ZNF385D: variants seen among roughly 807,000 people sequenced by gnomAD.
ZNF385D encodes zinc finger protein 659.
Under a neutral mutation model 35.8 loss-of-function variants are expected in ZNF385D, and 15 were observed. That is an observed-to-expected ratio of 0.42 (90% CI 0.28 to 0.64). ZNF385D has a LOEUF of 0.64. Ranked by LOEUF, ZNF385D falls within the 30% of genes least tolerant of loss-of-function variation. ZNF385D has a pLI of 0.23. For missense variants in ZNF385D, 474 were observed against 494.6 expected (o/e 0.96, Z 0.39); for synonymous variants, 212 against 186.8 (o/e 1.13, Z -1.10).
intron 1 of ZNF385D, among the ~76,000 whole-genome samples, chr3:21,708,589 T>C (rs2067990066): frequency 6.6e-6 from 1 of 152,192 alleles, no homozygotes; most frequent in Non-Finnish European, 1.5e-5. Flanking sequence ...TCTATTACAT[T>C]ACTAAATTTT....
intron 3 of ZNF385D, among the ~76,000 whole-genome samples, chr3:21,984,179 AT>A (rs200711862): frequency 0.1 from 14,621 of 141,880 alleles, 2,569 homozygotes; most frequent in African/African-American, 0.32. Context: ...ATTAGATCCC[AT>A]TTGTCAATTT....
chr3:21,812,055 A>G (rs1469776752), intron 3 of ZNF385D, among the ~76,000 whole-genome samples: 3 of 152,254 alleles, frequency 2.0e-5, no homozygotes, highest in East Asian at 1.9e-4. Context: ...ATATCAGTTT[A>G]TAGAAAACAC....
intron 2 of ZNF385D, among the ~76,000 whole-genome samples, chr3:21,567,764 C>CAAAG (rs1355955639): frequency 3.9e-5 from 6 of 152,018 alleles, no homozygotes; most frequent in Non-Finnish European, 8.8e-5. Context: ...GTATGTATAT[C>CAAAG]AAAGAAAGAT....
intron 3 of ZNF385D, among the ~76,000 whole-genome samples, chr3:21,977,903 T>C (rs9815743): frequency 0.42 from 64,131 of 151,760 alleles, 13,936 homozygotes; most frequent in Non-Finnish European, 0.47. Context: ...GAGAAACGAG[T>C]AGAATGCAGG....
intron 3 of ZNF385D, among the ~76,000 whole-genome samples, chr3:22,143,056 C>T (rs2125706632): frequency 8.3e-6 from 1 of 119,792 alleles, no homozygotes; most frequent in African/African-American, 3.4e-5. Flanking sequence ...TCTATTAAAT[C>T]GGTTGTGTGT....
At chr3:22,186,179 T>C (rs1430609947) in intron 2 of ZNF385D, among the ~76,000 whole-genome samples, 1 of 152,118 alleles carries the variant, frequency 6.6e-6, no homozygotes, top group Non-Finnish European at 1.5e-5. Flanking sequence ...TTTAGGAACT[T>C]CAAAATAAGA....
intron 2 of ZNF385D, among the ~76,000 whole-genome samples, chr3:21,572,846 A>G (rs916151203): frequency 6.6e-6 from 1 of 152,152 alleles, no homozygotes; most frequent in Non-Finnish European, 1.5e-5. Flanking sequence ...AGAAAACAAT[A>G]ATGGCTAACT....
intron 2 of ZNF385D, among the ~76,000 whole-genome samples, chr3:22,175,358 G>T (rs999651443): frequency 1.3e-5 from 2 of 151,862 alleles, no homozygotes; most frequent in Non-Finnish European, 2.9e-5. Context: ...CATGTCATGG[G>T]ATTAGATACT....
chr3:21,841,016 G>T (rs1197589240), intron 3 of ZNF385D, among the ~76,000 whole-genome samples: 1 of 151,990 alleles, frequency 6.6e-6, no homozygotes, highest in Non-Finnish European at 1.5e-5. Flanking sequence ...GGCTCCTGGT[G>T]AATATGAATG....
At chr3:21,785,736 T>C (rs2071663280) in intron 3 of ZNF385D, among the ~76,000 whole-genome samples, 1 of 152,228 alleles carries the variant, frequency 6.6e-6, no homozygotes, top group Non-Finnish European at 1.5e-5. Flanking sequence ...AACAAACACC[T>C]GTTAAGTATC....
At chr3:22,310,534 T>A (rs192214848) in intron 2 of ZNF385D, among the ~76,000 whole-genome samples, 1 of 152,008 alleles carries the variant, frequency 6.6e-6, no homozygotes, top group Non-Finnish European at 1.5e-5. Flanking sequence ...CATGGTTTCA[T>A]TGCTGGTTAG....
intron 2 of ZNF385D, among the ~76,000 whole-genome samples, chr3:21,621,557 G>GTGTGTGTGTT (rs1448736400): frequency 6.4e-5 from 9 of 140,724 alleles, no homozygotes; most frequent in Non-Finnish European, 1.2e-4. Flanking sequence ...AAATTCCCGT[G>GTGTGTGTGTT]TGTGTGTGTG....
At chr3:22,294,485 T>G (rs1468629646) in intron 2 of ZNF385D, among the ~76,000 whole-genome samples, 1 of 152,162 alleles carries the variant, frequency 6.6e-6, no homozygotes, top group Non-Finnish European at 1.5e-5. Flanking sequence ...TAATGGGTAT[T>G]ATATATCAGT....
intron 5 of ZNF385D, among the ~76,000 whole-genome samples, chr3:21,434,201 A>G (rs1701440360): frequency 6.6e-6 from 1 of 152,134 alleles, no homozygotes; most frequent in Non-Finnish European, 1.5e-5. Flanking sequence ...CAATTGTTCA[A>G]CTTGGTAGTT....
chr3:22,337,533 C>G (rs1373103753), intron 2 of ZNF385D, among the ~76,000 whole-genome samples: 3 of 151,248 alleles, frequency 2.0e-5, no homozygotes, highest in Non-Finnish European at 2.9e-5. Flanking sequence ...GACTCCTTTT[C>G]AAAAAAAATA....
chr3:21,756,911 T>C (rs1188380959), intron 3 of ZNF385D, among the ~76,000 whole-genome samples: 1 of 152,152 alleles, frequency 6.6e-6, no homozygotes, highest in Non-Finnish European at 1.5e-5. Flanking sequence ...TTAAGTTGTG[T>C]AGACACTGCT....
intron 2 of ZNF385D, among the ~76,000 whole-genome samples, chr3:21,608,012 C>CTTCTTTT (rs2064536095): frequency 1.1e-4 from 14 of 123,970 alleles, no homozygotes; most frequent in African/African-American, 4.1e-4. Context: ...TCTTTTTCTT[C>CTTCTTTT]TTTTTTTTTT....
chr3:21,910,806 G>T (rs1178980281), intron 3 of ZNF385D, among the ~76,000 whole-genome samples: 2 of 151,516 alleles, frequency 1.3e-5, no homozygotes, highest in African/African-American at 4.8e-5. Context: ...TAAAATGGTG[G>T]CATTTGAGTA....
intron 2 of ZNF385D, among the ~76,000 whole-genome samples, chr3:22,185,819 G>A (rs1041819439): frequency 6.6e-6 from 1 of 152,066 alleles, no homozygotes; most frequent in Non-Finnish European, 1.5e-5. Context: ...AAGCACCCTG[G>A]GGAGAAAGAT....
Sources: gnomAD v4.1 joint callset for allele counts (sites outside exome capture counted in the v4.1 genomes callset) on GRCh38, gnomAD v4.1.1 for gene constraint, MANE v1.5 for transcripts, NCBI Gene and HGNC (gene_info 2026-07-23, HGNC 2026-07-21) for gene names.